The following H2BC12 variants were observed in gnomAD, a reference collection of about 807,000 sequenced individuals.
The protein encoded by H2BC12 is H2B clustered histone 12.
In H2BC12, 6 loss-of-function variants were observed where a neutral mutation model predicts 6.3. The observed-to-expected ratio is 0.95, with a 90% CI of 0.52 to 1.87. The LOEUF is 1.87. Ranked by LOEUF, H2BC12 falls within the 40% of genes most tolerant of loss-of-function variation. The pLI, the probability that H2BC12 is intolerant of heterozygous loss-of-function variation, is 0.01. For synonymous variants in H2BC12, 132 were observed against 78.5 expected, an observed-to-expected ratio of 1.68 and a Z score of -3.60; for missense variants, 119 against 178.4, an observed-to-expected ratio of 0.67 and a Z score of 1.90.
the H2BC12 span, chr6:27,139,451 C>G: frequency 6.2e-7 from 1 of 1,614,220 alleles, no homozygotes; most frequent in Non-Finnish European, 8.5e-7. Context: ...AAGCGCATTT[C>G]TGGCCTCATC....
chr6:27,142,611 T>C (rs1366982374), downstream of H2BC12, among the ~76,000 whole-genome samples: 1 of 150,294 alleles, frequency 6.7e-6, no homozygotes, highest in Non-Finnish European at 1.5e-5. Context: ...TAAGTACATG[T>C]ATGACGTATT....
chr6:27,144,785 T>G (rs1463674428), downstream of H2BC12, among the ~76,000 whole-genome samples: 1 of 152,056 alleles, frequency 6.6e-6, no homozygotes, highest in Non-Finnish European at 1.5e-5. Flanking sequence ...ATTGGCATAG[T>G]GTATTTTAGT....
At chr6:27,139,184 C>CCT in the H2BC12 span, 1 of 1,043,736 alleles carries the variant, frequency 9.6e-7, no homozygotes, top group South Asian at 1.7e-5. Flanking sequence ...TTTTAGGTCC[C>CCT]CTCCCCCAAT....
At chr6:27,146,354 G>T, downstream of H2BC12, 1 of 1,607,362 alleles carries the variant, frequency 6.2e-7, no homozygotes, top group Non-Finnish European at 8.5e-7. Context: ...CTCTAATATC[G>T]ATAATTTAAG....
chr6:27,139,220 T>C, the H2BC12 span: 1 of 1,438,100 alleles, frequency 7.0e-7, no homozygotes, highest in Non-Finnish European at 9.3e-7. Context: ...GCCAAAGCTC[T>C]TCCGGTTTTC....
chr6:27,142,519 C>T (rs1329186030), downstream of H2BC12, among the ~76,000 whole-genome samples: 1 of 152,102 alleles, frequency 6.6e-6, no homozygotes, highest in South Asian at 2.1e-4. Context: ...CTGCCTCGGC[C>T]TCCCAAAGTG....
downstream of H2BC12, among the ~76,000 whole-genome samples, chr6:27,145,762 A>G (rs1417329792): frequency 6.6e-6 from 1 of 152,170 alleles, no homozygotes; most frequent in East Asian, 1.9e-4. Context: ...CTCCGTGATG[A>G]TTTCATGTTC....
At chr6:27,142,465 T>C (rs1760017787), downstream of H2BC12, among the ~76,000 whole-genome samples, 3 of 150,886 alleles carry the variant, frequency 2.0e-5, no homozygotes, top group Admixed American at 6.6e-5. Flanking sequence ...AGTAGAGACA[T>C]GTTGGCCAGG....
chr6:27,141,438 C>A (rs536078103), downstream of H2BC12, among the ~76,000 whole-genome samples: 1 of 151,972 alleles, frequency 6.6e-6, no homozygotes, highest in Non-Finnish European at 1.5e-5. Context: ...ATGACCCAAA[C>A]TTGTCTTTCT....
chr6:27,139,092 A>G, the H2BC12 span: 36 of 475,326 alleles, frequency 7.6e-5, no homozygotes, highest in African/African-American at 6.8e-4. Flanking sequence ...TAAATGAAAA[A>G]AGGAAAAACA....
rs373563592 is a variant in H2BC12, at chr6:27,146,820, T to C, written c.-22A>G. 2.9e-5 allele frequency: 47 copies of C among 1,610,072 alleles called. No homozygotes were observed. In the Admixed American group the frequency reaches 5.1e-4, roughly 17 times the overall value. On this transcript the variant is annotated 5_prime_UTR_variant, in exon 1 of 1. Transcript: ENST00000356950. ...GCATGTTGAAGGCGAACTACGAGCCTGAGACGAGCAGCAGATCGAGAAAAC... is the reference window on the plus strand; with the variant it reads ...GCATGTTGAAGGCGAACTACGAGCCCGAGACGAGCAGCAGATCGAGAAAAC...
the H2BC12 span, chr6:27,139,722 G>T: frequency 6.9e-7 from 1 of 1,459,406 alleles, no homozygotes; most frequent in Non-Finnish European, 9.1e-7. Context: ...TCTCTTAATA[G>T]GGCCATTGTC....
chr6:27,144,376 C>T (rs988387863), downstream of H2BC12, among the ~76,000 whole-genome samples: 4 of 137,688 alleles, frequency 2.9e-5, no homozygotes, highest in Non-Finnish European at 6.1e-5. Flanking sequence ...GCAAGATAAT[C>T]GCTTGAACCT....
downstream of H2BC12, among the ~76,000 whole-genome samples, chr6:27,141,861 C>G (rs1374095251): frequency 6.6e-6 from 1 of 152,088 alleles, no homozygotes; most frequent in Non-Finnish European, 1.5e-5. Context: ...TGCATAGTGC[C>G]CTAGTGGGTT....
chr6:27,144,473 G>C (rs955128455), downstream of H2BC12, among the ~76,000 whole-genome samples: 2 of 118,200 alleles, frequency 1.7e-5, no homozygotes, highest in Non-Finnish European at 3.5e-5. Context: ...GGGGGGGGGG[G>C]GGGGCGGAAT....
chr6:27,139,448 T>C, the H2BC12 span: 6 of 1,614,166 alleles, frequency 3.7e-6, no homozygotes, highest in Non-Finnish European at 5.1e-6. Flanking sequence ...GTGAAGCGCA[T>C]TTCTGGCCTC....
downstream of H2BC12, among the ~76,000 whole-genome samples, chr6:27,146,095 C>G (rs1377754664): frequency 2.6e-5 from 4 of 152,138 alleles, no homozygotes; most frequent in African/African-American, 9.7e-5. Context: ...TCACAGCACT[C>G]GACACAACGG....
chr6:27,146,490 C>T lies in H2BC12; in HGVS notation c.309G>A (p.Leu103=). 1 of 1,614,250 alleles carries T rather than the reference C, an allele frequency of 6.2e-7. No homozygotes were observed. Among genetic ancestry groups the T allele is most frequent in the Admixed American group, 1.7e-5 (1 of 60,026 alleles). ...REIQTAVRLL[L]PGELAKHAVS... ...CGGCGTGCTTGGCCAACTCCCCGGG[C>T]AGCAGCAGGCGCACGGCCGTCTGGA... is the stretch of plus-strand genomic sequence containing the variant. Residue 103 remains leucine (L), a synonymous_variant, in exon 1 of 1, where the codon CTG becomes CTA. Coordinates refer to ENST00000356950, the MANE Select transcript of H2BC12 (RefSeq NM_001312653.2).
chr6:27,144,245 C>T (rs1229775601), downstream of H2BC12, among the ~76,000 whole-genome samples: 2 of 152,012 alleles, frequency 1.3e-5, no homozygotes, highest in African/African-American at 4.8e-5. Context: ...GTGGATCGCC[C>T]AAGGTCGGGA....
Sources: gnomAD v4.1 joint callset for allele counts (sites outside exome capture counted in the v4.1 genomes callset) on GRCh38, gnomAD v4.1.1 for gene constraint, MANE v1.5 for transcripts, NCBI Gene and HGNC (gene_info 2026-07-23, HGNC 2026-07-21) for gene names.